The following CEP63 variants were observed in gnomAD, a reference collection of about 807,000 sequenced individuals.
CEP63 encodes the protein centrosomal protein 63, also known as centrosomal protein of 63 kDa.
CEP63 carries 84 observed loss-of-function variants against 89.1 expected under a neutral mutation model. The ratio of observed to expected loss-of-function variants is 0.94; its 90% CI spans 0.79 to 1.13. The LOEUF (loss-of-function observed/expected upper bound fraction) is 1.13, where lower values mean the gene tolerates loss of function less well. CEP63 is among the 50% of genes most tolerant of loss of function. The pLI is 0.00. For missense variants in CEP63, 838 were observed against 813.3 expected (o/e 1.03, Z -0.37); for synonymous variants, 267 against 272.5 (o/e 0.98, Z 0.20).
the CEP63 span, among the ~76,000 whole-genome samples, chr3:134,754,023 G>T: frequency 6.6e-6 from 1 of 152,188 alleles, no homozygotes; most frequent in African/African-American, 2.4e-5. Context: ...AGTTCCTGTG[G>T]ACAATGTACA....
chr3:134,699,563 T>G, the CEP63 span, among the ~76,000 whole-genome samples: 1 of 152,004 alleles, frequency 6.6e-6, no homozygotes, highest in Non-Finnish European at 1.5e-5. Context: ...TGTTCTTGGC[T>G]TCTGAAACAC....
At chr3:134,549,895 A>T (rs6768323) in intron 10 of CEP63, among the ~76,000 whole-genome samples, 168 bp from the exon 11 acceptor site, 7 of 152,150 alleles carry the variant, frequency 4.6e-5, no homozygotes, top group East Asian at 1.9e-4. Context: ...CCTGACCTTC[A>T]GTACAGATAT....
the CEP63 span, among the ~76,000 whole-genome samples, chr3:134,667,167 G>A: frequency 6.6e-6 from 1 of 152,100 alleles, no homozygotes; most frequent in Non-Finnish European, 1.5e-5. Context: ...CATACCGCTG[G>A]CCCAGACCTC....
At chr3:134,710,972 A>C in the CEP63 span, among the ~76,000 whole-genome samples, 1 of 151,980 alleles carries the variant, frequency 6.6e-6, no homozygotes, top group Non-Finnish European at 1.5e-5. Context: ...TGCCCGCCTC[A>C]GCCTCTCAAA....
intron 3 of CEP63, among the ~76,000 whole-genome samples, chr3:134,531,202 T>C (rs1014472224): frequency 3.3e-5 from 5 of 152,356 alleles, no homozygotes; most frequent in African/African-American, 1.2e-4. Flanking sequence ...TATGAAGTAT[T>C]GTTGGTTTCC....
intron 3 of CEP63, among the ~76,000 whole-genome samples, chr3:134,528,569 C>CGTGTGTGTGTGTGT (rs34415967): frequency 0.016 from 2,306 of 147,108 alleles, 62 homozygotes; most frequent in African/African-American, 0.047. Context: ...TGTGTGTGTG[C>CGTGTGTGTGTGTGT]GTGTGTGTGT....
At chr3:134,516,873 C>G (rs1946365923) in intron 3 of CEP63, among the ~76,000 whole-genome samples, 1 of 152,218 alleles carries the variant, frequency 6.6e-6, no homozygotes, top group East Asian at 1.9e-4. Context: ...AATCTGATCT[C>G]TCTTTCCTTT....
rs78636864 is a variant in CEP63 at position 134,493,216 on chromosome 3, A to C, written c.-25-2080A>C. 5.9e-3 allele frequency among the ~76,000 whole-genome samples: 905 copies of C among 152,244 alleles called. 22 individuals are homozygous for C. In the South Asian group the frequency reaches 0.074, roughly 12 times the overall value. ...GCATGCTACTTACAGTGGACATTTAATTGGCTGTTAGAACCCATGAAAAAG... is the reference window on the plus strand; with the variant it reads ...GCATGCTACTTACAGTGGACATTTACTTGGCTGTTAGAACCCATGAAAAAG... On this transcript the variant is annotated intron_variant, in intron 1 of 14. Coordinates refer to ENST00000675561, the MANE Select transcript of CEP63 (RefSeq NM_001353108.3).
chr3:134,729,348 A>C, the CEP63 span, among the ~76,000 whole-genome samples: 2 of 152,228 alleles, frequency 1.3e-5, no homozygotes, highest in Non-Finnish European at 2.9e-5. Context: ...AAAAGGTAGC[A>C]TGTTATACAT....
the CEP63 span, among the ~76,000 whole-genome samples, chr3:134,695,325 T>C: frequency 6.6e-6 from 1 of 152,222 alleles, no homozygotes. Context: ...AGCCAAAGGC[T>C]TGTAGAAACA....
chr3:134,550,645 C>T (rs1328015365), intron 11 of CEP63, among the ~76,000 whole-genome samples: 1 of 152,150 alleles, frequency 6.6e-6, no homozygotes, highest in Non-Finnish European at 1.5e-5. Flanking sequence ...AACACGCTTG[C>T]TGTGGTTGAA....
At chr3:134,683,636 G>T in the CEP63 span, among the ~76,000 whole-genome samples, 1 of 151,982 alleles carries the variant, frequency 6.6e-6, no homozygotes, top group African/African-American at 2.4e-5. Context: ...AAAACTCCAG[G>T]ACACTTGTTT....
At chr3:134,713,855 A>G in the CEP63 span, among the ~76,000 whole-genome samples, 1 of 152,248 alleles carries the variant, frequency 6.6e-6, no homozygotes, top group Non-Finnish European at 1.5e-5. Flanking sequence ...GAAAGTAATC[A>G]TGGTAACTTC....
downstream of CEP63, among the ~76,000 whole-genome samples, chr3:134,590,526 A>G (rs978613698): frequency 3.3e-5 from 5 of 152,240 alleles, no homozygotes; most frequent in Non-Finnish European, 7.3e-5. Flanking sequence ...ACCAAGCATT[A>G]CTAAGAGAAA....
At position 134,507,177 on chromosome 3, in the gene CEP63, A is replaced by C; in HGVS notation, c.113A>C (p.His38Pro). 3 of 1,613,856 alleles carry C rather than the reference A, an allele frequency of 1.9e-6. No individual in the cohort carries two copies. Among genetic ancestry groups the C allele is most frequent in the Non-Finnish European group, 1.7e-6 (2 of 1,179,854 alleles). Residue 38 changes from histidine (H) to proline (P), a missense_variant, in exon 3 of 15, where the codon CAT becomes CCT. Coordinates refer to ENST00000675561, the MANE Select transcript of CEP63 (RefSeq NM_001353108.3). Reference sequence around the variant, plus strand: ...AAACAGATTGACATAATGGTGGCTCATAAAAAATCTGAATGGGAAGGACGT... The same window carrying C: ...AAACAGATTGACATAATGGTGGCTCCTAAAAAATCTGAATGGGAAGGACGT... ...LMKQIDIMVA[H>P]KKSEWEGRTH...
chr3:134,526,298 T>G (rs2108884898), intron 3 of CEP63, among the ~76,000 whole-genome samples: 1 of 152,248 alleles, frequency 6.6e-6, no homozygotes. Context: ...CATATTCCTT[T>G]CTATACTGTC....
At chr3:134,781,809 T>C in the CEP63 span, among the ~76,000 whole-genome samples, 1 of 152,232 alleles carries the variant, frequency 6.6e-6, no homozygotes, top group African/African-American at 2.4e-5. Context: ...TCTCTTGGGT[T>C]TTCTACAAAA....
chr3:134,733,054 C>T, the CEP63 span, among the ~76,000 whole-genome samples: 1 of 152,148 alleles, frequency 6.6e-6, no homozygotes, highest in Non-Finnish European at 1.5e-5. Flanking sequence ...GGAGAGAATC[C>T]TACACTTAGG....
At chr3:134,652,817 CT>C in the CEP63 span, among the ~76,000 whole-genome samples, 1 of 152,188 alleles carries the variant, frequency 6.6e-6, no homozygotes, top group Non-Finnish European at 1.5e-5. Flanking sequence ...TCAGTGTTGT[CT>C]AACTCCTTCA....
Sources: gnomAD v4.1 joint callset for allele counts (sites outside exome capture counted in the v4.1 genomes callset) on GRCh38, gnomAD v4.1.1 for gene constraint, MANE v1.5 for transcripts, NCBI Gene and HGNC (gene_info 2026-07-23, HGNC 2026-07-21) for gene names.